CKAP5: variants seen among roughly 807,000 people sequenced by gnomAD.
CKAP5 encodes the protein cytoskeleton-associated protein 5.
Under a neutral mutation model 232.8 loss-of-function variants are expected in CKAP5, and 27 were observed. That is an observed-to-expected ratio of 0.12 (90% CI 0.09 to 0.16). The LOEUF (loss-of-function observed/expected upper bound fraction) is 0.16, where lower values mean the gene tolerates loss of function less well. CKAP5 is among the 10% of genes least tolerant of loss of function. The pLI, the probability that CKAP5 is intolerant of heterozygous loss-of-function variation, is 1.00. For synonymous variants in CKAP5, 785 were observed against 841.1 expected, an observed-to-expected ratio of 0.93 and a Z score of 1.16; for missense variants, 1,838 against 2,424.7, an observed-to-expected ratio of 0.76 and a Z score of 5.08.
chr11:46,778,656 C>A, intron 20 of CKAP5, 57 bp from the exon 21 acceptor site: 6 of 1,447,404 alleles, frequency 4.1e-6, no homozygotes, highest in Non-Finnish European at 5.8e-6. Flanking sequence ...TGGGAACAAA[C>A]AAATTAGAGA....
chr11:46,838,839 C>T (rs1939980625), intron 1 of CKAP5, among the ~76,000 whole-genome samples: 1 of 143,768 alleles, frequency 7.0e-6, no homozygotes. Flanking sequence ...CCACCATTGT[C>T]GCAACATTTT....
intron 32 of CKAP5, 138 bp from the exon 33 acceptor site, chr11:46,760,922 C>A (rs10466477): frequency 0.099 from 70,936 of 720,062 alleles, 5,425 homozygotes; most frequent in African/African-American, 0.32. Flanking sequence ...ACTATTAATA[C>A]CTGCCTAGCT....
Position 46,753,480 on chromosome 11 carries a change from GCTCT to G in CKAP5, c.4883_4886del (p.Glu1628AlafsTer11). ...CTCCAGTGGAGGCCTCCCGGGCAAG[GCTCT>G]CTATCTGAAACAGCTATCCAGACAT... On this transcript the variant is annotated frameshift_variant, in exon 37 of 44. Transcript: ENST00000529230. LOFTEE classifies it high-confidence loss of function. The G allele has an allele frequency of 6.2e-7, 1 of 1,611,262 alleles. No homozygotes were observed. The highest frequency in any genetic ancestry group is 8.5e-7 in the Non-Finnish European group (1 of 1,178,926).
At chr11:46,821,605 T>C (rs1462305324) in intron 1 of CKAP5, among the ~76,000 whole-genome samples, 1 of 152,056 alleles carries the variant, frequency 6.6e-6, no homozygotes, top group Non-Finnish European at 1.5e-5. Flanking sequence ...TTTTGTATTT[T>C]TAGTAGAGAC....
chr11:46,844,930 A>C (rs1940146619), intron 1 of CKAP5, among the ~76,000 whole-genome samples: 1 of 152,250 alleles, frequency 6.6e-6, no homozygotes. Flanking sequence ...TTGGGATTAC[A>C]GGCGTCAGCC....
At chr11:46,746,489 C>T (rs895501732) in intron 42 of CKAP5, among the ~76,000 whole-genome samples, 1 of 152,116 alleles carries the variant, frequency 6.6e-6, no homozygotes, top group African/African-American at 2.4e-5. Context: ...ATGTGAACAC[C>T]TAGTTGGTAT....
At chr11:46,805,984 C>G (rs1225005263) in intron 8 of CKAP5, among the ~76,000 whole-genome samples, 1 of 152,094 alleles carries the variant, frequency 6.6e-6, no homozygotes, top group Non-Finnish European at 1.5e-5. Context: ...CTACTTAAGG[C>G]AAAAAGAAAA....
intron 13 of CKAP5, among the ~76,000 whole-genome samples, chr11:46,794,869 A>G (rs1247939897): frequency 1.3e-5 from 2 of 152,116 alleles, no homozygotes; most frequent in Non-Finnish European, 2.9e-5. Flanking sequence ...AAAGTAGTCA[A>G]ATTCATAGAA....
rs1046149423 is a variant in CKAP5 at position 46,777,868 on chromosome 11, T to C, written c.2748+271A>G. 5.3e-5 allele frequency among the ~76,000 whole-genome samples: 8 copies of C among 152,228 alleles called. 1 individual carries two copies. Among genetic ancestry groups the C allele is most frequent in the African/African-American group, 1.9e-4 (8 of 41,464 alleles). The stretch of plus-strand genomic sequence containing the variant: ...CACATTTAAAAATCAGAAATCATTA[T>C]GTTTACATGTATTACAAGCAGTTTT... On this transcript the variant is annotated intron_variant, in intron 22 of 43. Transcript: ENST00000529230.
At chr11:46,748,124 G>A (rs912982804) in intron 42 of CKAP5, among the ~76,000 whole-genome samples, 9 of 152,050 alleles carry the variant, frequency 5.9e-5, no homozygotes, top group Non-Finnish European at 1.2e-4. Context: ...GGGCACTGGC[G>A]GGTCCTATAA....
At position 46,823,766 on chromosome 11, in the gene CKAP5, A is replaced by G. The variant is rs180695424; in HGVS notation, c.-37-2498T>C. 2.8e-3 allele frequency among the ~76,000 whole-genome samples: 422 copies of G among 152,264 alleles called. 2 individuals are homozygous for G. The highest frequency in any genetic ancestry group is 9.6e-3 in the African/African-American group (400 of 41,570). ...CTCCCAAGGAGCTGGGACTACAGGC[A>G]CATGTCACCATGCCCAACTAATTTT... On this transcript the variant is annotated intron_variant, in intron 1 of 43. Coordinates refer to ENST00000529230, the MANE Select transcript of CKAP5 (RefSeq NM_001008938.4).
At chr11:46,749,692 G>A (rs551783221) in intron 42 of CKAP5, among the ~76,000 whole-genome samples, 2 of 152,066 alleles carry the variant, frequency 1.3e-5, no homozygotes, top group Non-Finnish European at 2.9e-5. Context: ...AGTGGCTCAT[G>A]AGCATCATCT....
chr11:46,758,760 A>C (rs1256172197), intron 35 of CKAP5, 163 bp downstream of exon 35: 1 of 667,542 alleles, frequency 1.5e-6, no homozygotes, highest in Non-Finnish European at 2.4e-6. Context: ...ACATCCTCTG[A>C]GGCAAGTGAT....
intron 11 of CKAP5, 74 bp from the exon 12 acceptor site, chr11:46,797,014 T>A: frequency 6.6e-7 from 1 of 1,521,316 alleles, no homozygotes; most frequent in Non-Finnish European, 9.0e-7. Context: ...TTCAGACTGA[T>A]GGTTGCTAGA....
chr11:46,792,759 T>C (rs1241839016), intron 13 of CKAP5, among the ~76,000 whole-genome samples: 1 of 152,128 alleles, frequency 6.6e-6, no homozygotes, highest in Non-Finnish European at 1.5e-5. Context: ...TCAGCCAGCA[T>C]GAACATGGAA....
chr11:46,818,759 C>T (rs990932378), intron 2 of CKAP5, among the ~76,000 whole-genome samples: 2 of 152,086 alleles, frequency 1.3e-5, no homozygotes, highest in African/African-American at 4.8e-5. Flanking sequence ...ATAAATGAAT[C>T]TCACATTGTA....
In CKAP5 at chr11:46,755,078, A is replaced by G. The variant is rs2065100100; in HGVS notation, c.4690-11T>C. ...CAGGACCTCATCGATCTGATAACAA[A>G]AATTTCAAGATATATTTTCCAAGCT... On this transcript the variant is annotated splice_polypyrimidine_tract_variant and intron_variant, in intron 35 of 43. Transcript: ENST00000529230. 6.3e-7 allele frequency: 1 copy of G among 1,584,684 alleles called. No homozygotes were observed. The highest frequency in any genetic ancestry group is 1.9e-5 in the Admixed American group (1 of 53,894).
At chr11:46,774,985 A>G (rs1009759726) in intron 24 of CKAP5, among the ~76,000 whole-genome samples, 1 of 152,212 alleles carries the variant, frequency 6.6e-6, no homozygotes, top group Non-Finnish European at 1.5e-5. Flanking sequence ...AAATTGACAA[A>G]TGGGATCTAA....
intron 23 of CKAP5, among the ~76,000 whole-genome samples, chr11:46,777,140 CA>C (rs1196804690): frequency 1.3e-5 from 2 of 152,056 alleles, no homozygotes; most frequent in African/African-American, 4.8e-5. Context: ...ATGAGACAGG[CA>C]CAATAAAATG....
Sources: gnomAD v4.1 joint callset for allele counts (sites outside exome capture counted in the v4.1 genomes callset) on GRCh38, gnomAD v4.1.1 for gene constraint, MANE v1.5 for transcripts, NCBI Gene and HGNC (gene_info 2026-07-23, HGNC 2026-07-21) for gene names.